Variants in SLC17A3 observed in about 807,000 individuals in gnomAD.
The protein encoded by SLC17A3 is solute carrier family 17 member 3, also known as sodium-dependent phosphate transport protein 4.
A neutral mutation model predicts 60.3 loss-of-function variants in SLC17A3; 61 were observed. The ratio of observed to expected loss-of-function variants is 1.01; its 90% CI spans 0.82 to 1.25. SLC17A3 has a LOEUF of 1.25. Among genes scored for constraint, SLC17A3 ranks in the 50% most tolerant of loss-of-function variants. The pLI, the probability that SLC17A3 is intolerant of heterozygous loss-of-function variation, is 0.00. For missense variants in SLC17A3, 624 were observed against 594.9 expected (o/e 1.05, Z -0.51); for synonymous variants, 192 against 208.9 (o/e 0.92, Z 0.70).
In SLC17A3 at chr6:25,845,390, G is replaced by A. The variant is rs146416795; in HGVS notation, c.1489C>T (p.Arg497Cys). The change falls in exon 12 of 13, where the codon CGT becomes TGT. Residue 497 changes from arginine to cysteine, a missense_variant. Transcript: ENST00000397060. ...ATCACTATCCTTTACCTTCATAAAC[G>A]AGTGAGTTTTCTCTCTTTAGCCCAT... ...QEWAKERKLT[R>C]L 1.5e-5 allele frequency: 24 copies of A among 1,613,660 alleles called. No homozygotes were observed. The African/African-American group carries it at 1.9e-4, about 13-fold the overall frequency.
Position 25,866,364 on chromosome 6 carries a change from C to T in SLC17A3, c.91+1933G>A, listed in dbSNP as rs112582533. ...TACAGGTATAAGAAAATGAATTTTT[C>T]CAACAACCTGAATAAGCCTGGAAGT... is the stretch of plus-strand genomic sequence containing the variant. On this transcript the variant is annotated intron_variant, in intron 2 of 12. Transcript: ENST00000397060. 2.1e-3 allele frequency among the ~76,000 whole-genome samples: 325 copies of T among 152,078 alleles called. 2 individuals carry two copies. The highest frequency in any genetic ancestry group is 3.4e-3 in the Non-Finnish European group (228 of 67,924).
chr6:25,862,330 C>A lies in SLC17A3; in HGVS notation c.206G>T (p.Ser69Ile), dbSNP rs370057568. ...MNITMVAMVN[S>I]TSPQSQLNDS... ...ATTGAGCTGGGATTGAGGGCTTGTG[C>A]TGTTGACCATGGCTACCATGGTGAT... The change falls in exon 3 of 13, where the codon AGC becomes ATC. Residue 69 changes from serine (S) to isoleucine (I), a missense_variant. Ser to Ile is a moderately radical substitution (Grantham distance 142). Transcript: ENST00000397060. 7.4e-6 allele frequency: 12 copies of A among 1,613,702 alleles called. No individual in the cohort carries two copies. In the East Asian group the frequency reaches 1.3e-4, roughly 18 times the overall value.
In SLC17A3 at chr6:25,850,809, A is replaced by C. The variant is rs763979968; in HGVS notation, c.781T>G (p.Trp261Gly). The change falls in exon 7 of 13, where the codon TGG becomes GGG. Residue 261 changes from tryptophan (W) to glycine (G), a missense_variant. Physicochemically the swap from Trp to Gly is radical, Grantham distance 184 (BLOSUM62 -2). Transcript: ENST00000397060. Reference sequence around the variant, plus strand: ...TATTCTTTTTCTGAGGTGCTTATCCATGGATAGGAAACGGGGTCATCATAA... The same window carrying C: ...TATTCTTTTTCTGAGGTGCTTATCCCTGGATAGGAAACGGGGTCATCATAA... ...VIYDDPVSYPWISTSEKEYII... is the reference protein window; with the variant it reads ...VIYDDPVSYPGISTSEKEYII... 1.2e-6 allele frequency: 2 copies of C among 1,614,112 alleles called. No homozygotes were observed. The highest frequency in any genetic ancestry group is 3.3e-5 in the Admixed American group (2 of 60,034).
intron 6 of SLC17A3, among the ~76,000 whole-genome samples, chr6:25,851,210 CT>C (rs1348947571): frequency 6.1e-5 from 9 of 148,732 alleles, no homozygotes; most frequent in Admixed American, 2.0e-4. Flanking sequence ...TATTTTCCCC[CT>C]ATCTTTTTTT....
chr6:25,856,171 T>G (rs1052654906), intron 5 of SLC17A3, among the ~76,000 whole-genome samples: 9 of 151,090 alleles, frequency 6.0e-5, no homozygotes, highest in East Asian at 1.9e-4. Flanking sequence ...AAATATTGGG[T>G]TTTTTTTTCT....
At chr6:25,857,164 G>T (rs1765370506) in intron 5 of SLC17A3, among the ~76,000 whole-genome samples, 1 of 151,862 alleles carries the variant, frequency 6.6e-6, no homozygotes, top group South Asian at 2.1e-4. Flanking sequence ...ACTGTAGCCT[G>T]GGTGGCGAAG....
chr6:25,861,066 T>A (rs1765438260), intron 5 of SLC17A3, among the ~76,000 whole-genome samples: 1 of 152,178 alleles, frequency 6.6e-6, no homozygotes, highest in Admixed American at 6.5e-5. Context: ...CAGTCTCCTG[T>A]TTCTTAACCA....
At chr6:25,864,590 CAAG>C (rs1765505004) in intron 2 of SLC17A3, among the ~76,000 whole-genome samples, 1 of 151,320 alleles carries the variant, frequency 6.6e-6, no homozygotes, top group African/African-American at 2.4e-5. Context: ...TTCTAAACAA[CAAG>C]AAGAATGAAG....
At chr6:25,862,113 T>A in intron 3 of SLC17A3, 84 bp from the exon 4 acceptor site, 6 of 1,397,982 alleles carry the variant, frequency 4.3e-6, no homozygotes, top group Non-Finnish European at 5.0e-6. Context: ...ACCTTTTGCT[T>A]GCTTTCAAAT....
intron 6 of SLC17A3, among the ~76,000 whole-genome samples, chr6:25,854,523 C>A (rs1185566899): frequency 2.6e-5 from 4 of 152,156 alleles, no homozygotes; most frequent in African/African-American, 9.7e-5. Flanking sequence ...CCTCAAAGAG[C>A]TCACTGTCCA....
chr6:25,851,925 A>G (rs1017813010), intron 6 of SLC17A3, among the ~76,000 whole-genome samples: 2 of 152,126 alleles, frequency 1.3e-5, no homozygotes, highest in Admixed American at 1.3e-4. Flanking sequence ...CAGCCCTCAC[A>G]TATCTTTTGG....
intron 5 of SLC17A3, among the ~76,000 whole-genome samples, chr6:25,861,172 C>A (rs1188840049): frequency 3.3e-5 from 5 of 152,078 alleles, no homozygotes; most frequent in African/African-American, 1.2e-4. Flanking sequence ...TCATTGTCAG[C>A]AAGAAGTTCT....
intron 2 of SLC17A3, among the ~76,000 whole-genome samples, chr6:25,866,265 G>T (rs1765534541): frequency 6.6e-6 from 1 of 151,974 alleles, no homozygotes; most frequent in Non-Finnish European, 1.5e-5. Context: ...ACACGATAAG[G>T]AACCACAAAC....
At chr6:25,855,615 T>C (rs1317136409) in intron 5 of SLC17A3, among the ~76,000 whole-genome samples, 1 of 152,208 alleles carries the variant, frequency 6.6e-6, no homozygotes, top group East Asian at 1.9e-4. Context: ...TAATACATAA[T>C]TGCATACCTT....
At chr6:25,853,592 G>A (rs1765315733) in intron 6 of SLC17A3, among the ~76,000 whole-genome samples, 2 of 151,376 alleles carry the variant, frequency 1.3e-5, no homozygotes, top group Non-Finnish European at 2.9e-5. Flanking sequence ...TAATTTTTTT[G>A]TATTTTTAGT....
chr6:25,847,947 C>T (rs1471341538), intron 11 of SLC17A3, among the ~76,000 whole-genome samples: 2 of 152,066 alleles, frequency 1.3e-5, no homozygotes, highest in African/African-American at 2.4e-5. Flanking sequence ...ACTCTTATGC[C>T]TTTGCATCAT....
intron 6 of SLC17A3, among the ~76,000 whole-genome samples, 191 bp downstream of exon 6, chr6:25,854,953 T>A (rs1031849390): frequency 2.6e-5 from 4 of 152,234 alleles, no homozygotes; most frequent in African/African-American, 9.6e-5. Flanking sequence ...TTAATAGCAC[T>A]TTATAATAGG....
intron 2 of SLC17A3, among the ~76,000 whole-genome samples, chr6:25,867,863 AT>A (rs1329142069): frequency 6.6e-6 from 1 of 151,950 alleles, no homozygotes; most frequent in African/African-American, 2.4e-5. Flanking sequence ...ACTATTCAAA[AT>A]ATGCATACAA....
chr6:25,849,911 G>A lies in SLC17A3; in HGVS notation c.1165C>T (p.Leu389Phe). 1 of 1,614,050 alleles carries A rather than the reference G, an allele frequency of 6.2e-7. No homozygotes were observed. The highest frequency in any genetic ancestry group is 8.5e-7 in the Non-Finnish European group (1 of 1,179,900). The stretch of plus-strand genomic sequence containing the variant: ...GTTGCTGTGATATAGCCGGAATTGA[G>A]GTAAGGCAGAGACACAATGAGTGCT... ...SSALIVSLPY[L>F]NSGYITATAL... The change falls in exon 10 of 13, where the codon CTC becomes TTC. Residue 389 changes from leucine (L) to phenylalanine (F), a missense_variant. Leu to Phe is a conservative substitution (Grantham distance 22, BLOSUM62 0). Coordinates refer to ENST00000397060, the MANE Select transcript of SLC17A3 (RefSeq NM_001098486.2).
Sources: gnomAD v4.1 joint callset for allele counts (sites outside exome capture counted in the v4.1 genomes callset) on GRCh38, gnomAD v4.1.1 for gene constraint, MANE v1.5 for transcripts, NCBI Gene and HGNC (gene_info 2026-07-23, HGNC 2026-07-21) for gene names.